Variants in TMEM219 observed in about 807,000 individuals in gnomAD.
The protein encoded by TMEM219 is insulin-like growth factor-binding protein 3 receptor.
A neutral mutation model predicts 17.9 loss-of-function variants in TMEM219; 18 were observed. That is an observed-to-expected ratio of 1.01 (90% confidence interval 0.70 to 1.49). The LOEUF (loss-of-function observed/expected upper bound fraction) is 1.49. TMEM219 is among the 40% of genes most tolerant of loss of function. The pLI, the probability that TMEM219 is intolerant of heterozygous loss-of-function variation, is 0.00. For missense variants in TMEM219, 288 were observed against 292.4 expected, an observed-to-expected ratio of 0.99 and a Z score of 0.11; for synonymous variants, 113 against 124.0, an observed-to-expected ratio of 0.91 and a Z score of 0.59.
intron 3 of TMEM219, among the ~76,000 whole-genome samples, chr16:29,965,286 T>C (rs2069197758): frequency 6.6e-6 from 1 of 152,318 alleles, no homozygotes; most frequent in South Asian, 2.1e-4. Flanking sequence ...CAGATGTACA[T>C]GTATGTTAAC....
At chr16:29,966,663 A>C (rs1596578083) in intron 3 of TMEM219, among the ~76,000 whole-genome samples, 1 of 152,060 alleles carries the variant, frequency 6.6e-6, no homozygotes, top group African/African-American at 2.4e-5. Flanking sequence ...AAAAATACAA[A>C]AAATTAGCCA....
intron 4 of TMEM219, among the ~76,000 whole-genome samples, chr16:29,969,974 G>T (rs2069262251): frequency 6.6e-6 from 1 of 152,162 alleles, no homozygotes; most frequent in Non-Finnish European, 1.5e-5. Flanking sequence ...AGGCACGGTG[G>T]CTCACGCCTG....
intron 3 of TMEM219, among the ~76,000 whole-genome samples, chr16:29,967,476 T>C (rs2069225857): frequency 6.6e-6 from 1 of 152,084 alleles, no homozygotes; most frequent in Non-Finnish European, 1.5e-5. Flanking sequence ...GCCAGGTAGG[T>C]GGCACACACT....
chr16:29,971,670 CAAAG>C (rs1407540385), intron 5 of TMEM219, 92 bp downstream of exon 5: 2 of 1,300,814 alleles, frequency 1.5e-6, no homozygotes, highest in East Asian at 4.7e-5. Flanking sequence ...GACTTTTCCT[CAAAG>C]ACTGCTGCTT....
chr16:29,964,846 C>T (rs1466034586), intron 3 of TMEM219, among the ~76,000 whole-genome samples: 1 of 152,170 alleles, frequency 6.6e-6, no homozygotes, highest in Non-Finnish European at 1.5e-5. Context: ...ATGCTGCCGA[C>T]AGGGTAGGTT....
intron 3 of TMEM219, among the ~76,000 whole-genome samples, chr16:29,967,209 A>G (rs373308559): frequency 3.3e-5 from 5 of 152,302 alleles, no homozygotes; most frequent in East Asian, 3.9e-4. Context: ...TTGTGTTTAT[A>G]TTGATACAAA....
Position 29,962,974 on chromosome 16 carries a change from G to A in TMEM219, c.-37-133G>A, listed in dbSNP as rs182907468. ...TGCAGGGAGTTGAACTTTTGGAGTC[G>A]GGAACCTTGGATTCTTGTTCTGGCT... On this transcript the variant is annotated intron_variant, in intron 1 of 5. Transcript: ENST00000279396. 38 of 746,122 alleles carry A rather than the reference G, an allele frequency of 5.1e-5. No homozygotes were observed. The Admixed American group carries it at 5.1e-4, about 10-fold the overall frequency. 46.2% of individuals were successfully genotyped at this position (746,122 alleles called of 1,614,324 possible).
intron 3 of TMEM219, among the ~76,000 whole-genome samples, chr16:29,967,652 G>T (rs916225634): frequency 1.3e-5 from 2 of 152,144 alleles, no homozygotes; most frequent in Non-Finnish European, 2.9e-5. Flanking sequence ...AAAGGGCCGG[G>T]CACGGTGGCT....
Position 29,965,315 on chromosome 16 carries a change from C to T in TMEM219, c.355+1726C>T, listed in dbSNP as rs78459618. On this transcript the variant is annotated intron_variant, in intron 3 of 5. Coordinates refer to ENST00000279396, the MANE Select transcript of TMEM219 (RefSeq NM_001083613.2). ...TGTTAACAAAAATAAGGAATGTGTC[C>T]GATATATGCAGACTTGGGACAATTC... Among the ~76,000 whole-genome samples the T allele has an allele frequency of 9.7e-4, 148 of 151,956 alleles. 1 individual carries two copies. The East Asian group carries it at 0.018, about 19-fold the overall frequency.
intron 3 of TMEM219, among the ~76,000 whole-genome samples, chr16:29,966,737 A>T (rs2069217344): frequency 1.3e-5 from 2 of 152,086 alleles, no homozygotes; most frequent in Non-Finnish European, 2.9e-5. Flanking sequence ...AATTGCTTAA[A>T]CCTAGGAGGT....
At chr16:29,962,520 G>T (rs1337505689) in intron 1 of TMEM219, among the ~76,000 whole-genome samples, 3 of 152,152 alleles carry the variant, frequency 2.0e-5, no homozygotes, top group Non-Finnish European at 1.5e-5. Flanking sequence ...TTCCCTCACA[G>T]TATTTTTTGC....
rs767708644 is a variant in TMEM219 at position 29,971,456 on chromosome 16, C to T, written c.634C>T (p.Leu212=). 6.2e-7 allele frequency: 1 copy of T among 1,614,156 alleles called. No homozygotes were observed. Among genetic ancestry groups the T allele is most frequent in the South Asian group, 1.1e-5 (1 of 91,082 alleles). The change falls in exon 5 of 6, where the codon CTG becomes TTG. Residue 212 remains leucine (L), a synonymous_variant. Coordinates refer to ENST00000279396, the MANE Select transcript of TMEM219 (RefSeq NM_001083613.2). ...CAGGCTGCTGGTCTTGGGCTCCTTC[C>T]TGCTTCTCTTCTGTGGCCTTCTCTG... ...GSRLLVLGSF[L]LLFCGLLCCV... is the part of the protein sequence containing the mutation.
At chr16:29,963,046 C>A in intron 1 of TMEM219, 61 bp from the exon 2 acceptor site, 1 of 1,425,438 alleles carries the variant, frequency 7.0e-7, no homozygotes, top group Non-Finnish European at 9.6e-7. Context: ...CTTCTCTGAG[C>A]TTTCTTTTCT....
intron 4 of TMEM219, among the ~76,000 whole-genome samples, chr16:29,970,743 G>A (rs2069274439): frequency 6.6e-6 from 1 of 151,762 alleles, no homozygotes; most frequent in Non-Finnish European, 1.5e-5. Flanking sequence ...ACAAATGTTC[G>A]AGCCTGGGCA....
chr16:29,967,895 C>T (rs2069233412), intron 3 of TMEM219, 130 bp from the exon 4 acceptor site: 4 of 698,020 alleles, frequency 5.7e-6, no homozygotes, highest in Non-Finnish European at 4.8e-6. Context: ...CCACTGCACT[C>T]CAGCCTGGGT....
intron 3 of TMEM219, among the ~76,000 whole-genome samples, chr16:29,963,948 C>T (rs1435018329): frequency 6.8e-6 from 1 of 147,868 alleles, no homozygotes; most frequent in Non-Finnish European, 1.5e-5. Flanking sequence ...TTTGGGAGTC[C>T]GAGAAGGGCA....
intron 3 of TMEM219, among the ~76,000 whole-genome samples, chr16:29,963,925 G>A (rs942979133): frequency 4.7e-5 from 7 of 148,736 alleles, no homozygotes; most frequent in African/African-American, 1.2e-4. Flanking sequence ...GCTCATGCCT[G>A]TAATCCCAGC....
intron 3 of TMEM219, 41 bp from the exon 4 acceptor site, chr16:29,967,984 C>G (rs2069235027): frequency 1.4e-6 from 2 of 1,477,298 alleles, no homozygotes; most frequent in East Asian, 4.5e-5. Context: ...TCCCGCGTCA[C>G]CTCTCATTTT....
chr16:29,965,328 C>G (rs2069198290), intron 3 of TMEM219, among the ~76,000 whole-genome samples: 1 of 152,092 alleles, frequency 6.6e-6, no homozygotes. Flanking sequence ...TATATGCAGA[C>G]TTGGGACAAT....
Sources: allele counts gnomAD v4.1 joint callset (sites outside exome capture counted in the v4.1 genomes callset), GRCh38; gene constraint gnomAD v4.1.1; transcripts MANE v1.5; gene names NCBI Gene and HGNC (gene_info 2026-07-23, HGNC 2026-07-21).